Variants in SPOCK1 observed in about 807,000 individuals in gnomAD.
The protein encoded by SPOCK1 is testican-1.
In SPOCK1, 23 loss-of-function variants were observed where a neutral mutation model predicts 55.3. The ratio of observed to expected loss-of-function variants is 0.42; its 90% CI spans 0.30 to 0.59. SPOCK1 has a LOEUF of 0.59. Ranked by LOEUF, SPOCK1 falls within the 20% of genes least tolerant of loss-of-function variation. The pLI, the probability that SPOCK1 is intolerant of heterozygous loss-of-function variation, is 0.22. For missense variants in SPOCK1, 499 were observed against 552.5 expected, an observed-to-expected ratio of 0.90 and a Z score of 0.97; for synonymous variants, 226 against 221.0, an observed-to-expected ratio of 1.02 and a Z score of -0.20.
intron 2 of SPOCK1, among the ~76,000 whole-genome samples, chr5:137,382,160 C>T (rs983756392): frequency 4.6e-5 from 7 of 152,232 alleles, no homozygotes; most frequent in Non-Finnish European, 8.8e-5. Flanking sequence ...TTTGCTAAAG[C>T]ATAGCAAGAA....
chr5:137,301,080 T>C (rs1163512287), intron 2 of SPOCK1, among the ~76,000 whole-genome samples: 1 of 152,204 alleles, frequency 6.6e-6, no homozygotes, highest in African/African-American at 2.4e-5. Flanking sequence ...AATCTTCTAG[T>C]CTCTTAACTG....
intron 2 of SPOCK1, among the ~76,000 whole-genome samples, chr5:137,282,631 G>C (rs899561300): frequency 4.6e-5 from 7 of 152,198 alleles, no homozygotes; most frequent in African/African-American, 1.7e-4. Context: ...TTCAAAGTCA[G>C]CCATTAAAGG....
intron 2 of SPOCK1, among the ~76,000 whole-genome samples, chr5:137,433,904 T>C (rs1752801668): frequency 6.6e-6 from 1 of 152,204 alleles, no homozygotes; most frequent in South Asian, 2.1e-4. Context: ...AAAAAAAGTA[T>C]TCAATTGAGT....
In SPOCK1 at chr5:137,140,616, G is replaced by T. The variant is rs1023685389; in HGVS notation, c.311C>A (p.Thr104Asn). Residue 104 changes from threonine (T) to asparagine (N), a missense_variant, in exon 4 of 11, where the codon ACC (threonine) becomes AAC (asparagine). Thr to Asn is a moderately conservative substitution (Grantham distance 65). Transcript: ENST00000394945. ...HKVCVTQDYQ[T>N]ALCVSRKHLL... The stretch of plus-strand genomic sequence containing the variant: ...GTGCTTGCGGCTGACACACAGGGCG[G>T]TCTGGTAGTCCTGGGTCACACACAC... 5 of 1,613,952 alleles carry T rather than the reference G, an allele frequency of 3.1e-6. No individual in the cohort carries two copies. Among genetic ancestry groups the T allele is most frequent in the Non-Finnish European group, 4.2e-6 (5 of 1,179,946 alleles).
chr5:137,138,386 T>C (rs576072384), intron 4 of SPOCK1, among the ~76,000 whole-genome samples: 1 of 152,188 alleles, frequency 6.6e-6, no homozygotes, highest in South Asian at 2.1e-4. Flanking sequence ...GCTGAATAGG[T>C]CTCAAACCGA....
At chr5:137,160,443 G>GTA (rs1188856816) in intron 3 of SPOCK1, among the ~76,000 whole-genome samples, 23 of 116,732 alleles carry the variant, frequency 2.0e-4, no homozygotes, top group Admixed American at 3.4e-4. Flanking sequence ...ATTATATGTT[G>GTA]TATATATATA....
intron 6 of SPOCK1, among the ~76,000 whole-genome samples, chr5:137,002,026 T>C (rs1751164435): frequency 6.6e-6 from 1 of 152,224 alleles, no homozygotes; most frequent in Non-Finnish European, 1.5e-5. Context: ...TATATGCGTG[T>C]TCTCTTATCC....
chr5:137,148,420 T>A (rs1381786514), intron 3 of SPOCK1, among the ~76,000 whole-genome samples: 1 of 152,128 alleles, frequency 6.6e-6, no homozygotes, highest in Admixed American at 6.5e-5. Context: ...CCACAAAATT[T>A]TATTAGCCTG....
intron 3 of SPOCK1, among the ~76,000 whole-genome samples, chr5:137,193,191 G>A (rs1755219654): frequency 6.6e-6 from 1 of 152,180 alleles, no homozygotes; most frequent in Non-Finnish European, 1.5e-5. Flanking sequence ...GGAGGTTTAA[G>A]AGGGTCATGT....
chr5:137,070,725 T>C (rs901383198), intron 5 of SPOCK1, among the ~76,000 whole-genome samples: 5 of 152,122 alleles, frequency 3.3e-5, no homozygotes, highest in Non-Finnish European at 7.4e-5. Context: ...CAGCCTATCA[T>C]TGGAGTATGA....
At chr5:137,096,639 A>G (rs973792370) in intron 5 of SPOCK1, among the ~76,000 whole-genome samples, 7 of 152,276 alleles carry the variant, frequency 4.6e-5, no homozygotes, top group Admixed American at 1.3e-4. Context: ...ACATAGTTGT[A>G]TCCAAGAAAT....
At chr5:137,016,851 A>G (rs1751456436) in intron 6 of SPOCK1, among the ~76,000 whole-genome samples, 1 of 152,254 alleles carries the variant, frequency 6.6e-6, no homozygotes, top group African/African-American at 2.4e-5. Flanking sequence ...ATGCTGTGAG[A>G]TGGCCCTGCA....
At chr5:137,275,993 G>A (rs558140802) in intron 2 of SPOCK1, among the ~76,000 whole-genome samples, 2 of 152,282 alleles carry the variant, frequency 1.3e-5, no homozygotes, top group Admixed American at 1.3e-4. Context: ...CCCTGCCCAG[G>A]CTGTTCACAC....
intron 6 of SPOCK1, among the ~76,000 whole-genome samples, chr5:137,010,574 A>G (rs1301525214): frequency 6.6e-6 from 1 of 152,128 alleles, no homozygotes; most frequent in Non-Finnish European, 1.5e-5. Flanking sequence ...CAAGGTCCCT[A>G]AACAGGCTAG....
intron 3 of SPOCK1, among the ~76,000 whole-genome samples, chr5:137,141,253 C>T (rs1218672667): frequency 1.3e-5 from 2 of 152,198 alleles, no homozygotes; most frequent in East Asian, 1.9e-4. Context: ...GCATCTTCAG[C>T]TCAGGCAGGA....
intron 5 of SPOCK1, among the ~76,000 whole-genome samples, chr5:137,086,759 G>A (rs974768072): frequency 6.6e-6 from 1 of 152,206 alleles, no homozygotes; most frequent in Non-Finnish European, 1.5e-5. Flanking sequence ...ATCCCAGAAA[G>A]TTTAAATTTT....
intron 5 of SPOCK1, among the ~76,000 whole-genome samples, chr5:137,077,925 A>G (rs1209651210): frequency 6.6e-6 from 1 of 152,184 alleles, no homozygotes; most frequent in Non-Finnish European, 1.5e-5. Flanking sequence ...AACTCTAGGA[A>G]GTTGGAGACT....
intron 5 of SPOCK1, among the ~76,000 whole-genome samples, chr5:137,076,128 G>T (rs116660916): frequency 6.8e-4 from 104 of 152,218 alleles, no homozygotes; most frequent in Middle Eastern, 3.4e-3. Context: ...GCAGCAGAGA[G>T]CCCAGACCCG....
At chr5:137,331,703 T>C (rs949923913) in intron 2 of SPOCK1, among the ~76,000 whole-genome samples, 1 of 152,022 alleles carries the variant, frequency 6.6e-6, no homozygotes, top group Middle Eastern at 3.2e-3. Flanking sequence ...CTTGGTGAAC[T>C]AACAGAACTC....
Sources: allele counts gnomAD v4.1 joint callset (sites outside exome capture counted in the v4.1 genomes callset), GRCh38; gene constraint gnomAD v4.1.1; transcripts MANE v1.5; gene names NCBI Gene and HGNC (gene_info 2026-07-23, HGNC 2026-07-21).